Variants in DNAJB14 observed in about 807,000 individuals in gnomAD.
DNAJB14 encodes DnaJ heat shock protein family (Hsp40) member B14, also known as dnaJ homolog subfamily B member 14.
In DNAJB14, 22 loss-of-function variants were observed where a neutral mutation model predicts 48.4. That is an observed-to-expected ratio of 0.45 (90% CI 0.32 to 0.65). DNAJB14 has a LOEUF of 0.65. Ranked by LOEUF, DNAJB14 falls within the 30% of genes least tolerant of loss-of-function variation. The pLI, the probability that DNAJB14 is intolerant of heterozygous loss-of-function variation, is 0.03. For synonymous variants in DNAJB14, 142 were observed against 158.7 expected (o/e 0.89, Z 0.79); for missense variants, 319 against 458.8 (o/e 0.70, Z 2.78).
At chr4:99,919,900 C>T (rs1442112867) in intron 3 of DNAJB14, among the ~76,000 whole-genome samples, 1 of 152,142 alleles carries the variant, frequency 6.6e-6, no homozygotes, top group Non-Finnish European at 1.5e-5. Flanking sequence ...CATGCTAACT[C>T]TTGAGAAAAC....
At chr4:99,924,481 G>A in intron 2 of DNAJB14, 1 of 274,634 alleles carries the variant, frequency 3.6e-6, no homozygotes, top group East Asian at 8.3e-5. Context: ...ATATAAAATT[G>A]TACAAATTTA....
chr4:99,914,379 C>T (rs1725774509), intron 3 of DNAJB14, among the ~76,000 whole-genome samples: 1 of 152,134 alleles, frequency 6.6e-6, no homozygotes, highest in Non-Finnish European at 1.5e-5. Flanking sequence ...TCATTCTCAG[C>T]AAACTATCGC....
chr4:99,936,754 C>T (rs1726689823), intron 1 of DNAJB14, among the ~76,000 whole-genome samples: 1 of 152,134 alleles, frequency 6.6e-6, no homozygotes, highest in African/African-American at 2.4e-5. Flanking sequence ...CTCGCACTAA[C>T]TAAATCTGAA....
chr4:99,934,565 G>A (rs948389297), intron 1 of DNAJB14, among the ~76,000 whole-genome samples: 4 of 151,900 alleles, frequency 2.6e-5, no homozygotes, highest in Admixed American at 6.6e-5. Flanking sequence ...AGGCTGAGGC[G>A]GGTAGATCAC....
chr4:99,905,892 TTC>T, intron 5 of DNAJB14, 186 bp from the exon 6 acceptor site: 1 of 1,295,386 alleles, frequency 7.7e-7, no homozygotes, highest in Non-Finnish European at 1.0e-6. Flanking sequence ...CACCAGGAGA[TTC>T]TGATTTGAAA....
chr4:99,937,567 A>C (rs2110222067), intron 1 of DNAJB14, among the ~76,000 whole-genome samples: 1 of 150,044 alleles, frequency 6.7e-6, no homozygotes, highest in African/African-American at 2.4e-5. Context: ...CTCTACAAAA[A>C]ACACAAAAAT....
chr4:99,940,358 T>C (rs868538256), intron 1 of DNAJB14, among the ~76,000 whole-genome samples: 1 of 152,138 alleles, frequency 6.6e-6, no homozygotes, highest in Admixed American at 6.5e-5. Context: ...TTTGGGAGGC[T>C]GAGGCAGGTG....
intron 2 of DNAJB14, chr4:99,924,837 A>G (rs1726192413): frequency 6.5e-7 from 1 of 1,530,300 alleles, no homozygotes; most frequent in Non-Finnish European, 9.0e-7. Context: ...AAGTTATTCT[A>G]TAACTAATTT....
In DNAJB14 at chr4:99,906,666, T is replaced by C. The variant is rs374959660; in HGVS notation, c.638-55A>G. ...GGAGAGCAATTATGATCAGAAAAAA[T>C]ACATTTTCTTTCACATTTTTCTTTA... is the stretch of plus-strand genomic sequence containing the variant. On this transcript the variant is annotated intron_variant, in intron 4 of 7. Transcript: ENST00000442697. The C allele has an allele frequency of 1.2e-5, 17 of 1,393,500 alleles. No homozygotes were observed. In the African/African-American group the frequency reaches 2.0e-4, roughly 17 times the overall value. 86.3% of individuals were successfully genotyped at this position (1,393,500 alleles called of 1,614,324 possible).
intron 6 of DNAJB14, among the ~76,000 whole-genome samples, chr4:99,904,599 C>T (rs1260142691): frequency 6.6e-6 from 1 of 152,020 alleles, no homozygotes; most frequent in Non-Finnish European, 1.5e-5. Context: ...AATCCAAAAT[C>T]CCAAAATCCA....
chr4:99,902,122 T>C (rs1725313425), intron 7 of DNAJB14, among the ~76,000 whole-genome samples: 1 of 152,164 alleles, frequency 6.6e-6, no homozygotes, highest in Non-Finnish European at 1.5e-5. Context: ...ATTTGAGACT[T>C]AGATAAACCG....
chr4:99,900,261 T>C lies in DNAJB14; in HGVS notation c.*767A>G, dbSNP rs531706678. 6.6e-6 allele frequency: 1 copy of C among 152,212 alleles called. No homozygotes were observed. The highest frequency in any genetic ancestry group is 1.9e-4 in the East Asian group (1 of 5,188). The allele number at this position is 152,212 out of a possible 1,614,324, so 9.4% of individuals were successfully genotyped here. The stretch of plus-strand genomic sequence containing the variant: ...AATTTTAAATGACATAACTGCACTT[T>C]ACTGTTGAAGACCCTTTTAGTTTAA... On this transcript the variant is annotated 3_prime_UTR_variant, in exon 8 of 8. Transcript: ENST00000442697.
intron 3 of DNAJB14, among the ~76,000 whole-genome samples, chr4:99,914,322 T>C (rs1317407541): frequency 1.3e-5 from 2 of 152,130 alleles, no homozygotes; most frequent in African/African-American, 4.8e-5. Flanking sequence ...GCCATAAAAA[T>C]GATGAGTTCA....
In DNAJB14 at chr4:99,897,007, A is replaced by G. The variant is rs1341663687; in HGVS notation, c.*4021T>C. Reference sequence around the variant, plus strand: ...TAATTATGTTTGAAGCATGGGCCTTATAATAGGAATCTCTCCATTAAAATA... The same window carrying G: ...TAATTATGTTTGAAGCATGGGCCTTGTAATAGGAATCTCTCCATTAAAATA... On this transcript the variant is annotated 3_prime_UTR_variant, in exon 8 of 8. Transcript: ENST00000442697. 2 of 152,110 alleles carry G rather than the reference A, an allele frequency of 1.3e-5. No homozygotes were observed. Among genetic ancestry groups the G allele is most frequent in the African/African-American group, 4.8e-5 (2 of 41,446 alleles). The allele number at this position is 152,110 out of a possible 1,614,324, so 9.4% of individuals were successfully genotyped here.
chr4:99,914,756 TG>T (rs1205417967), intron 3 of DNAJB14, among the ~76,000 whole-genome samples: 1 of 152,184 alleles, frequency 6.6e-6, no homozygotes, highest in African/African-American at 2.4e-5. Context: ...GACTGAGTTG[TG>T]ATGATTTGTA....
At chr4:99,922,815 C>T (rs1726108681) in intron 3 of DNAJB14, 1 of 405,636 alleles carries the variant, frequency 2.5e-6, no homozygotes, top group Non-Finnish European at 4.5e-6. Context: ...AGAAAAGTTA[C>T]TTGAGACTGT....
Position 99,946,581 on chromosome 4 carries a change from C to T in DNAJB14, c.-10G>A. 2 of 1,612,654 alleles carry T rather than the reference C, an allele frequency of 1.2e-6. No homozygotes were observed. The highest frequency in any genetic ancestry group is 1.7e-6 in the Non-Finnish European group (2 of 1,179,008). On this transcript the variant is annotated 5_prime_UTR_variant, in exon 1 of 8. Coordinates refer to ENST00000442697, the MANE Select transcript of DNAJB14 (RefSeq NM_001031723.4). ...CCCTGTTCCCCTCCATAGCTTGCTCCTTCTTCCGTTTCCTCCGGCAGCGCA... is the reference window on the plus strand; with the variant it reads ...CCCTGTTCCCCTCCATAGCTTGCTCTTTCTTCCGTTTCCTCCGGCAGCGCA...
At chr4:99,924,456 T>TA (rs1456395201) in intron 2 of DNAJB14, 3 of 236,584 alleles carry the variant, frequency 1.3e-5, no homozygotes, top group Non-Finnish European at 8.1e-6. Flanking sequence ...AACTTGGGGG[T>TA]AAAAAGGGAA....
intron 3 of DNAJB14, among the ~76,000 whole-genome samples, chr4:99,920,990 T>C (rs1455055000): frequency 6.6e-6 from 1 of 152,172 alleles, no homozygotes; most frequent in East Asian, 1.9e-4. Flanking sequence ...AAAAATAAAA[T>C]AAGATGATAC....
Sources: allele counts gnomAD v4.1 joint callset (sites outside exome capture counted in the v4.1 genomes callset), GRCh38; gene constraint gnomAD v4.1.1; transcripts MANE v1.5; gene names NCBI Gene and HGNC (gene_info 2026-07-23, HGNC 2026-07-21).